The following CDH3 variants were observed in gnomAD, a reference collection of about 807,000 sequenced individuals.
The protein encoded by CDH3 is cadherin-3.
A neutral mutation model predicts 82.0 loss-of-function variants in CDH3; 54 were observed. The observed-to-expected ratio is 0.66, with a 90% confidence interval of 0.53 to 0.83. CDH3 has a LOEUF of 0.83. Among genes scored for constraint, CDH3 ranks in the 40% least tolerant of loss-of-function variants. The pLI, the probability that CDH3 is intolerant of heterozygous loss-of-function variation, is 0.00. For missense variants in CDH3, 1,054 were observed against 1,084.6 expected (o/e 0.97, Z 0.40); for synonymous variants, 446 against 437.9 (o/e 1.02, Z -0.23).
intron 2 of CDH3, among the ~76,000 whole-genome samples, chr16:68,675,905 G>A (rs1961021733): frequency 6.6e-6 from 1 of 152,314 alleles, no homozygotes; most frequent in African/African-American, 2.4e-5. Flanking sequence ...CTAACTCGGA[G>A]TGCTTGTTTA....
intron 12 of CDH3, among the ~76,000 whole-genome samples, chr16:68,688,708 C>G (rs1194321132): frequency 6.6e-6 from 1 of 152,126 alleles, no homozygotes; most frequent in Non-Finnish European, 1.5e-5. Context: ...CTCACTGCAA[C>G]CTCCGCTTCC....
Position 68,682,412 on chromosome 16 carries a change from G to A in CDH3, c.1107G>A (p.Met369Ile). ...SPAWRATYLI[M>I]GGDDGDHFTI... ...CGTGGCGTGCCACCTACCTTATCAT[G>A]GGCGGTGACGACGGGGACCATTTTA... Residue 369 changes from methionine to isoleucine, a missense_variant, in exon 9 of 16, where the codon ATG becomes ATA. Physicochemically the swap from Met to Ile is conservative, Grantham distance 10 (BLOSUM62 1). Coordinates refer to ENST00000264012, the MANE Select transcript of CDH3 (RefSeq NM_001793.6). 1 of 1,614,108 alleles carries A rather than the reference G, an allele frequency of 6.2e-7. No homozygotes were observed. Among genetic ancestry groups the A allele is most frequent in the Non-Finnish European group, 8.5e-7 (1 of 1,180,032 alleles).
intron 1 of CDH3, among the ~76,000 whole-genome samples, chr16:68,713,578 C>A (rs1269607068): frequency 6.6e-6 from 1 of 152,130 alleles, no homozygotes; most frequent in Non-Finnish European, 1.5e-5. Flanking sequence ...CCCAAGGACT[C>A]CTCCTCCAGC....
chr16:68,703,043 C>A (rs986762980), downstream of CDH3, among the ~76,000 whole-genome samples: 1 of 152,220 alleles, frequency 6.6e-6, no homozygotes, highest in Non-Finnish European at 1.5e-5. Flanking sequence ...AAAGATGGCA[C>A]TCCCTATGGC....
chr16:68,670,762 T>G (rs1960864147), intron 2 of CDH3, among the ~76,000 whole-genome samples: 1 of 152,232 alleles, frequency 6.6e-6, no homozygotes, highest in African/African-American at 2.4e-5. Context: ...TCACAGGGTC[T>G]TCAGCCCAGC....
chr16:68,717,538 C>T (rs1044714978), intron 1 of CDH3, among the ~76,000 whole-genome samples: 5 of 152,020 alleles, frequency 3.3e-5, no homozygotes, highest in Admixed American at 2.0e-4. Flanking sequence ...TTTGGGAGGC[C>T]GAGGCGGGCA....
downstream of CDH3, among the ~76,000 whole-genome samples, chr16:68,703,247 C>T (rs1961918245): frequency 6.6e-6 from 1 of 152,178 alleles, no homozygotes; most frequent in Admixed American, 6.6e-5. Context: ...CATTCCTAGA[C>T]AGTTGGTGAG....
chr16:68,726,337 G>C (rs1254753816), intron 2 of CDH3, among the ~76,000 whole-genome samples: 1 of 152,134 alleles, frequency 6.6e-6, no homozygotes, highest in African/African-American at 2.4e-5. Flanking sequence ...CTCTTGCTGG[G>C]CTGGACAACA....
At chr16:68,671,152 G>C (rs1322606273) in intron 2 of CDH3, among the ~76,000 whole-genome samples, 1 of 146,400 alleles carries the variant, frequency 6.8e-6, no homozygotes, top group Non-Finnish European at 1.5e-5. Context: ...TTAGATTGAT[G>C]TACTTTTTTT....
chr16:68,650,523 A>G (rs1479792183), intron 2 of CDH3, among the ~76,000 whole-genome samples: 1 of 151,900 alleles, frequency 6.6e-6, no homozygotes, highest in Non-Finnish European at 1.5e-5. Flanking sequence ...CTGGTGTCGA[A>G]CTCCCGATCT....
intron 2 of CDH3, among the ~76,000 whole-genome samples, chr16:68,666,166 C>G (rs1335832572): frequency 6.6e-6 from 1 of 151,810 alleles, no homozygotes; most frequent in East Asian, 1.9e-4. Context: ...GCTTCCTCTT[C>G]TGCTTGGCTG....
downstream of CDH3, among the ~76,000 whole-genome samples, chr16:68,728,897 T>A (rs960929019): frequency 3.9e-5 from 6 of 152,212 alleles, no homozygotes; most frequent in Non-Finnish European, 2.9e-5. Context: ...AAAATATTTT[T>A]GCCTAAAATA....
Position 68,684,635 on chromosome 16 carries a change from A to T in CDH3, c.1235A>T (p.Asn412Ile). Residue 412 changes from asparagine to isoleucine, a missense_variant, in exon 10 of 16, where the codon AAC (asparagine) becomes ATC (isoleucine). Transcript: ENST00000264012. ...CACACCCTGTACGTTGAAGTGACCA[A>T]CGAGGCCCCTTTTGTGCTGAAGCTC... ...NQHTLYVEVTNEAPFVLKLPT... is the reference protein window; with the variant it reads ...NQHTLYVEVTIEAPFVLKLPT... 6.2e-7 allele frequency: 1 copy of T among 1,614,202 alleles called. No homozygotes were observed.
chr16:68,651,418 C>G, intron 2 of CDH3: 1 of 548,456 alleles, frequency 1.8e-6, no homozygotes. Context: ...ATGGTCATAC[C>G]CGACTGGCTT....
At chr16:68,704,982 A>G (rs149352604), downstream of CDH3, among the ~76,000 whole-genome samples, 74 of 152,174 alleles carry the variant, frequency 4.9e-4, 1 homozygote, top group Middle Eastern at 3.4e-3. Flanking sequence ...GGATCCCTTG[A>G]GCCTAGGAGG....
At chr16:68,682,206 C>CA in intron 8 of CDH3, 96 bp from the exon 9 acceptor site, 1 of 1,370,844 alleles carries the variant, frequency 7.3e-7, no homozygotes, top group Non-Finnish European at 1.0e-6. Flanking sequence ...AGGGTAAAGG[C>CA]ATGGGGATCC....
Position 68,682,490 on chromosome 16 carries a change from G to A in CDH3, c.1182+3G>A. 1 of 1,614,074 alleles carries A rather than the reference G, an allele frequency of 6.2e-7. No homozygotes were observed. Among genetic ancestry groups the A allele is most frequent in the East Asian group, 2.2e-5 (1 of 44,882 alleles). On this transcript the variant is annotated splice_donor_region_variant and intron_variant, in intron 9 of 15. Coordinates refer to ENST00000264012, the MANE Select transcript of CDH3 (RefSeq NM_001793.6). ...AGGGCATCCTGACAACCAGGAAGGT[G>A]AGTCAGTTCGGGCCTCAGACAATGG...
intron 2 of CDH3, among the ~76,000 whole-genome samples, chr16:68,666,959 C>A (rs1960750015): frequency 6.6e-6 from 1 of 151,992 alleles, no homozygotes; most frequent in Non-Finnish European, 1.5e-5. Context: ...GGTTTTGTCA[C>A]ATCTGGGATG....
intron 8 of CDH3, among the ~76,000 whole-genome samples, 165 bp downstream of exon 8, chr16:68,681,261 T>G (rs1961221855): frequency 6.6e-6 from 1 of 152,230 alleles, no homozygotes; most frequent in South Asian, 2.1e-4. Context: ...CATTTCCTAA[T>G]CTGTGAAAAG....
Sources: gnomAD v4.1 joint callset for allele counts (sites outside exome capture counted in the v4.1 genomes callset) on GRCh38, gnomAD v4.1.1 for gene constraint, MANE v1.5 for transcripts, NCBI Gene and HGNC (gene_info 2026-07-23, HGNC 2026-07-21) for gene names.